SOX13: variants seen among roughly 807,000 people sequenced by gnomAD.
The protein encoded by SOX13 is transcription factor SOX-13.
Under a neutral mutation model 71.8 loss-of-function variants are expected in SOX13, and 28 were observed. The ratio of observed to expected loss-of-function variants is 0.39; its 90% CI spans 0.29 to 0.53. The LOEUF (loss-of-function observed/expected upper bound fraction) is 0.53. SOX13 is among the 20% of genes least tolerant of loss of function. SOX13 has a pLI of 0.70. For missense variants in SOX13, 627 were observed against 810.3 expected, an observed-to-expected ratio of 0.77 and a Z score of 2.75; for synonymous variants, 309 against 317.8, an observed-to-expected ratio of 0.97 and a Z score of 0.29.
chr1:204,075,300 C>A (rs1655763871), intron 1 of SOX13, among the ~76,000 whole-genome samples: 2 of 152,072 alleles, frequency 1.3e-5, no homozygotes, highest in South Asian at 4.1e-4. Context: ...CGGCGCCAGC[C>A]CGCTACCTCC....
chr1:204,122,367 A>T lies in SOX13; in HGVS notation c.992A>T (p.Asp331Val). The change falls in exon 9 of 14, where the codon GAC (aspartate) becomes GTC (valine). Residue 331 changes from aspartate (D) to valine (V), a missense_variant. Transcript: ENST00000367204. ...CCCAGCCATGGAGGCCCCACGCGGG[A>T]CCTGCAGTCCAGCCCCCCGAGCCTG... is the stretch of plus-strand genomic sequence containing the variant. ...RPPSHGGPTRDLQSSPPSLPL... is the reference protein window; with the variant it reads ...RPPSHGGPTRVLQSSPPSLPL... 1 of 1,561,872 alleles carries T rather than the reference A, an allele frequency of 6.4e-7. No homozygotes were observed. Among genetic ancestry groups the T allele is most frequent in the Non-Finnish European group, 8.7e-7 (1 of 1,152,932 alleles).
chr1:204,104,796 C>G (rs145796864), intron 1 of SOX13, among the ~76,000 whole-genome samples: 1 of 152,124 alleles, frequency 6.6e-6, no homozygotes, highest in African/African-American at 2.4e-5. Context: ...CGTCATGCTA[C>G]GATGACTGGA....
chr1:204,094,644 T>C (rs909918014), intron 1 of SOX13, among the ~76,000 whole-genome samples: 2 of 152,068 alleles, frequency 1.3e-5, no homozygotes, highest in African/African-American at 2.4e-5. Context: ...TCAGTCTCCA[T>C]AGAAAATCCC....
intron 1 of SOX13, among the ~76,000 whole-genome samples, chr1:204,092,715 C>T (rs1328953083): frequency 6.6e-6 from 1 of 152,038 alleles, no homozygotes; most frequent in Non-Finnish European, 1.5e-5. Context: ...CCTGGGCCTA[C>T]TTGGATTTAG....
chr1:204,104,506 G>C (rs976196775), intron 1 of SOX13, among the ~76,000 whole-genome samples: 1 of 152,240 alleles, frequency 6.6e-6, no homozygotes, highest in African/African-American at 2.4e-5. Flanking sequence ...GGGCACCCAC[G>C]CCTTGGCCTA....
chr1:204,095,309 C>G (rs1239122044), intron 1 of SOX13, among the ~76,000 whole-genome samples: 2 of 152,202 alleles, frequency 1.3e-5, no homozygotes, highest in Admixed American at 6.5e-5. Context: ...TTCTTGTCGT[C>G]TGGGTCCCTT....
chr1:204,085,747 G>T (rs1264244878), intron 1 of SOX13, among the ~76,000 whole-genome samples: 3 of 151,900 alleles, frequency 2.0e-5, no homozygotes, highest in Non-Finnish European at 2.9e-5. Flanking sequence ...GGCCGAGGCA[G>T]GTGGGTCACG....
Position 204,122,362 on chromosome 1 carries a change from G to A in SOX13, c.987G>A (p.Thr329=), listed in dbSNP as rs1177615372. The part of the protein sequence containing the change: ...VPRPPSHGGP[T]RDLQSSPPSL... ...GCCCCCCCAGCCATGGAGGCCCCACGCGGGACCTGCAGTCCAGCCCCCCGA... is the reference window on the plus strand; with the variant it reads ...GCCCCCCCAGCCATGGAGGCCCCACACGGGACCTGCAGTCCAGCCCCCCGA... Residue 329 remains threonine (T), a synonymous_variant, in exon 9 of 14, where the codon ACG becomes ACA. Coordinates refer to ENST00000367204, the MANE Select transcript of SOX13 (RefSeq NM_005686.3). 3.2e-6 allele frequency: 5 copies of A among 1,563,106 alleles called. No homozygotes were observed. In the Admixed American group the frequency reaches 7.6e-5, roughly 24 times the overall value.
rs34093119 is a variant in SOX13, at chr1:204,112,527, A to ACACACACACACACT, written c.-1-387_-1-386insACACACACACACTC. 2.9e-3 allele frequency among the ~76,000 whole-genome samples: 425 copies of ACACACACACACACT among 147,896 alleles called. 1 individual carries two copies. The highest frequency in any genetic ancestry group is 0.013 in the South Asian group (57 of 4,552). The stretch of plus-strand genomic sequence containing the variant: ...CACACACACACACACACACACACAC[A>ACACACACACACACT]CTTTCTCTCTCTCGCTGTCGCTCTC... On this transcript the variant is annotated intron_variant, in intron 1 of 13. Coordinates refer to ENST00000367204, the MANE Select transcript of SOX13 (RefSeq NM_005686.3).
At chr1:204,108,947 T>A (rs193057952) in intron 1 of SOX13, among the ~76,000 whole-genome samples, 192 of 152,282 alleles carry the variant, frequency 1.3e-3, no homozygotes, top group Non-Finnish European at 2.1e-3. Context: ...GTTTGTTTGT[T>A]ATGTAATTGC....
At chr1:204,122,194 C>T (rs1162380126) in intron 8 of SOX13, 43 bp from the exon 9 acceptor site, 1 of 1,497,060 alleles carries the variant, frequency 6.7e-7, no homozygotes, top group Middle Eastern at 1.7e-4. Flanking sequence ...GTGGGAGTGT[C>T]CTTTGGTGTC....
At chr1:204,099,423 G>C (rs2102239716) in intron 1 of SOX13, among the ~76,000 whole-genome samples, 1 of 123,800 alleles carries the variant, frequency 8.1e-6, no homozygotes, top group Admixed American at 8.0e-5. Context: ...TCTTTTTCTG[G>C]CTTTTTTTTT....
chr1:204,123,662 C>A lies in SOX13; in HGVS notation c.1233C>A (p.Gly411=), dbSNP rs1390153011. ...EEAMLSCDMD[G]SRHFPESRNS... ...GCTGACTTCACTCCTGTCTCCCAGG[C>A]TCCCGCCACTTCCCCGAGTCCCGAA... Residue 411 remains glycine (G), a splice_region_variant and synonymous_variant, in exon 12 of 14, where the codon GGC becomes GGA. Transcript: ENST00000367204. The surrounding 1 kb of genome is among the most constrained non-coding windows in gnomAD (Gnocchi z 5.0). 1 of 1,612,988 alleles carries A rather than the reference C, an allele frequency of 6.2e-7. No individual in the cohort carries two copies. The highest frequency in any genetic ancestry group is 8.5e-7 in the Non-Finnish European group (1 of 1,179,574).
At chr1:204,092,276 G>A (rs1021533113) in intron 1 of SOX13, among the ~76,000 whole-genome samples, 1 of 152,016 alleles carries the variant, frequency 6.6e-6, no homozygotes. Context: ...CCTGAAGCAC[G>A]CTGGATTATA....
chr1:204,112,359 T>G (rs1490720319), intron 1 of SOX13, among the ~76,000 whole-genome samples: 1 of 151,804 alleles, frequency 6.6e-6, no homozygotes, highest in African/African-American at 2.4e-5. Context: ...GAGAATCACT[T>G]GAACCTGGGA....
chr1:204,109,434 G>T (rs532743393), intron 1 of SOX13, among the ~76,000 whole-genome samples: 76 of 152,288 alleles, frequency 5.0e-4, no homozygotes, highest in African/African-American at 1.8e-3. Flanking sequence ...TGGATGTTTG[G>T]ATACACAAAT....
At chr1:204,114,090 G>T (rs567778175) in intron 2 of SOX13, among the ~76,000 whole-genome samples, 1 of 152,206 alleles carries the variant, frequency 6.6e-6, no homozygotes, top group Non-Finnish European at 1.5e-5. Context: ...ATCAAGCATC[G>T]TGTGAGTCAC....
In SOX13 at chr1:204,081,536, G is replaced by A. The variant is rs1275756154; in HGVS notation, c.-2+7825G>A. 6.6e-6 allele frequency among the ~76,000 whole-genome samples: 1 copy of A among 152,210 alleles called. No homozygotes were observed. The highest frequency in any genetic ancestry group is 1.5e-5 in the Non-Finnish European group (1 of 68,046). On this transcript the variant is annotated intron_variant, in intron 1 of 13. Transcript: ENST00000367204. This position sits in a 1 kb window ranked among gnomAD's most constrained non-coding sequence, Gnocchi z 4.3. ...ACCCCCTGGCGGGCTCTGGGGGTGG[G>A]GGTTGGGGGGTTGCCTGGGACTCAT...
chr1:204,078,486 G>T (rs547929142), intron 1 of SOX13, among the ~76,000 whole-genome samples: 11 of 152,312 alleles, frequency 7.2e-5, no homozygotes, highest in South Asian at 2.1e-4. Context: ...TGGGAGGGCC[G>T]GCCAGGCACA....
Sources: allele counts gnomAD v4.1 joint callset (sites outside exome capture counted in the v4.1 genomes callset), GRCh38; gene constraint gnomAD v4.1.1; non-coding constraint Gnocchi (gnomAD v3.1); transcripts MANE v1.5; gene names NCBI Gene and HGNC (gene_info 2026-07-23, HGNC 2026-07-21).